The following DLG2 variants were observed in gnomAD, a reference collection of about 807,000 sequenced individuals.
DLG2 encodes disks large homolog 2.
DLG2 carries 45 observed loss-of-function variants against 132.5 expected under a neutral mutation model. The observed-to-expected ratio is 0.34, with a 90% CI of 0.27 to 0.44. The LOEUF (loss-of-function observed/expected upper bound fraction) is 0.44, where lower values mean the gene tolerates loss of function less well. Among genes scored for constraint, DLG2 ranks in the 20% least tolerant of loss-of-function variants. DLG2 has a pLI of 1.00. For synonymous variants in DLG2, 424 were observed against 419.6 expected, an observed-to-expected ratio of 1.01 and a Z score of -0.13; for missense variants, 1,045 against 1,196.9, an observed-to-expected ratio of 0.87 and a Z score of 1.87.
chr11:85,059,312 G>A (rs2063785600), intron 6 of DLG2, among the ~76,000 whole-genome samples: 1 of 151,384 alleles, frequency 6.6e-6, no homozygotes, highest in Non-Finnish European at 1.5e-5. Flanking sequence ...TACATTGCTG[G>A]TGGGAGTATA....
intron 2 of DLG2, among the ~76,000 whole-genome samples, chr11:85,606,044 G>A (rs576878549): frequency 1.4e-4 from 22 of 152,132 alleles, no homozygotes; most frequent in East Asian, 7.7e-4. Context: ...TTAAGTTGAT[G>A]GCATACGTAC....
At chr11:85,081,829 T>A (rs561044394) in intron 6 of DLG2, among the ~76,000 whole-genome samples, 1 of 152,310 alleles carries the variant, frequency 6.6e-6, no homozygotes, top group South Asian at 2.1e-4. Context: ...CATCCTTCTG[T>A]ATACAGCTGT....
chr11:85,596,579 T>A lies in DLG2; in HGVS notation c.40+2078A>T, dbSNP rs569526288. 2.0e-5 allele frequency among the ~76,000 whole-genome samples: 3 copies of A among 152,240 alleles called. No homozygotes were observed. In the South Asian group the frequency reaches 6.2e-4, roughly 32 times the overall value. On this transcript the variant is annotated intron_variant, in intron 3 of 27. Coordinates refer to ENST00000376104, the MANE Select transcript of DLG2 (RefSeq NM_001142699.3). ...AGAGTCGTGCGAGGTACTATTTCAA[T>A]GTGTTGGCTATGTATTGGCCAGAAT...
intron 3 of DLG2, among the ~76,000 whole-genome samples, chr11:85,552,410 C>T (rs2076716264): frequency 6.6e-6 from 1 of 151,452 alleles, no homozygotes; most frequent in African/African-American, 2.4e-5. Context: ...TTACAAATCA[C>T]CTGAGGACTT....
At chr11:84,698,814 A>G (rs935093342) in intron 6 of DLG2, among the ~76,000 whole-genome samples, 1 of 151,610 alleles carries the variant, frequency 6.6e-6, no homozygotes, top group Admixed American at 6.6e-5. Flanking sequence ...TTTCTGCCAC[A>G]ATTCATCACT....
At chr11:84,230,993 T>C (rs11233956) in intron 8 of DLG2, among the ~76,000 whole-genome samples, 17,738 of 152,178 alleles carry the variant, frequency 0.12, 1,331 homozygotes, top group East Asian at 0.25. Flanking sequence ...GAATATACAT[T>C]GTCTTCTTCT....
chr11:84,133,196 C>G (rs1431970068), intron 9 of DLG2, among the ~76,000 whole-genome samples: 1 of 151,962 alleles, frequency 6.6e-6, no homozygotes, highest in Non-Finnish European at 1.5e-5. Flanking sequence ...TATGAGGCCA[C>G]AAGAATCAGA....
chr11:84,868,395 A>G (rs1206884305), intron 6 of DLG2, among the ~76,000 whole-genome samples: 5 of 152,132 alleles, frequency 3.3e-5, no homozygotes, highest in Admixed American at 3.3e-4. Context: ...CAGCAAGGTC[A>G]TTCTGCATTC....
intron 18 of DLG2, among the ~76,000 whole-genome samples, chr11:83,735,146 A>T (rs868012611): frequency 6.6e-6 from 1 of 152,136 alleles, no homozygotes; most frequent in Non-Finnish European, 1.5e-5. Flanking sequence ...GAGGGTTAGG[A>T]TGGAAGGTGA....
intron 6 of DLG2, among the ~76,000 whole-genome samples, chr11:84,941,802 G>C (rs1343668073): frequency 6.6e-6 from 1 of 151,292 alleles, no homozygotes; most frequent in Non-Finnish European, 1.5e-5. Context: ...TTTCAGAATA[G>C]TTTCAATAAG....
intron 8 of DLG2, among the ~76,000 whole-genome samples, chr11:84,227,164 G>A (rs1365039758): frequency 6.6e-6 from 1 of 151,986 alleles, no homozygotes. Context: ...ATGGTAGGAG[G>A]AGGGGTGAGG....
intron 6 of DLG2, among the ~76,000 whole-genome samples, chr11:84,683,829 G>T (rs2099735704): frequency 1.3e-5 from 2 of 152,108 alleles, no homozygotes; most frequent in Non-Finnish European, 2.9e-5. Flanking sequence ...AAAGGAAGAG[G>T]CCCTTAATGC....
intron 4 of DLG2, among the ~76,000 whole-genome samples, chr11:85,177,167 T>A (rs1331277068): frequency 6.6e-6 from 1 of 152,000 alleles, no homozygotes; most frequent in Non-Finnish European, 1.5e-5. Context: ...GTATGTTCAC[T>A]GCAGCACTAT....
chr11:83,618,285 T>C, intron 19 of DLG2, among the ~76,000 whole-genome samples: 1 of 152,324 alleles, frequency 6.6e-6, no homozygotes, highest in South Asian at 2.1e-4. Context: ...ATATAAAATA[T>C]ATATCACTAG....
intron 25 of DLG2, 43 bp downstream of exon 25, chr11:83,469,158 G>A: frequency 5.6e-6 from 8 of 1,425,876 alleles, no homozygotes; most frequent in South Asian, 3.0e-5. Context: ...TTGCAACCTA[G>A]AAACCTTCTT....
chr11:84,866,792 C>T (rs1277457779), intron 6 of DLG2, among the ~76,000 whole-genome samples: 1 of 152,152 alleles, frequency 6.6e-6, no homozygotes, highest in Non-Finnish European at 1.5e-5. Flanking sequence ...AGTGAAGAAA[C>T]TTAAAAAGTG....
chr11:85,384,906 G>T (rs190676913), intron 3 of DLG2, among the ~76,000 whole-genome samples: 2 of 152,158 alleles, frequency 1.3e-5, no homozygotes, highest in Non-Finnish European at 2.9e-5. Flanking sequence ...TTCCTCGTTT[G>T]TAAATTGAAG....
intron 5 of DLG2, among the ~76,000 whole-genome samples, chr11:85,153,632 AAAAT>A (rs1245417615): frequency 3.9e-5 from 6 of 152,230 alleles, no homozygotes; most frequent in Admixed American, 3.9e-4. Context: ...TAATAGGAAT[AAAAT>A]AAAGAAAGAA....
intron 6 of DLG2, among the ~76,000 whole-genome samples, chr11:84,802,365 C>CCAGCAGCAG (rs371131136): frequency 2.1e-4 from 31 of 150,142 alleles, no homozygotes; most frequent in East Asian, 3.9e-4. Flanking sequence ...ACTCCGGAAC[C>CCAGCAGCAG]CAGCAGCAGC....
Sources: allele counts gnomAD v4.1 joint callset (sites outside exome capture counted in the v4.1 genomes callset), GRCh38; gene constraint gnomAD v4.1.1; transcripts MANE v1.5; gene names NCBI Gene and HGNC (gene_info 2026-07-23, HGNC 2026-07-21).